The following PTPRN2 variants were observed in gnomAD, a reference collection of about 807,000 sequenced individuals.
The protein encoded by PTPRN2 is protein tyrosine phosphatase receptor type N2, also known as receptor-type tyrosine-protein phosphatase N2.
A neutral mutation model predicts 118.8 loss-of-function variants in PTPRN2; 74 were observed. The observed-to-expected ratio is 0.62, with a 90% confidence interval of 0.52 to 0.76. The LOEUF is 0.76. Among genes scored for constraint, PTPRN2 ranks in the 30% least tolerant of loss-of-function variants. PTPRN2 has a pLI of 0.00. For missense variants in PTPRN2, 1,481 were observed against 1,394.4 expected (o/e 1.06, Z -0.99); for synonymous variants, 641 against 608.0 (o/e 1.05, Z -0.80).
chr7:158,329,920 G>C (rs1323750249), intron 2 of PTPRN2, among the ~76,000 whole-genome samples: 2 of 152,092 alleles, frequency 1.3e-5, no homozygotes, highest in Non-Finnish European at 2.9e-5. Context: ...GACTGGCAGA[G>C]TGTCCTATTC....
At chr7:158,519,935 C>G (rs1823860812) in intron 1 of PTPRN2, among the ~76,000 whole-genome samples, 1 of 152,218 alleles carries the variant, frequency 6.6e-6, no homozygotes, top group Non-Finnish European at 1.5e-5. Flanking sequence ...AGCCTGAAAC[C>G]AAGCTTTCCT....
intron 1 of PTPRN2, among the ~76,000 whole-genome samples, chr7:158,543,106 A>G (rs1826083150): frequency 6.6e-6 from 1 of 152,268 alleles, no homozygotes; most frequent in South Asian, 2.1e-4. Context: ...TCATTTGAAG[A>G]AAAGGTCTTC....
chr7:158,549,174 C>T (rs1826483400), intron 1 of PTPRN2, among the ~76,000 whole-genome samples: 1 of 152,182 alleles, frequency 6.6e-6, no homozygotes. Context: ...TCAGCATTGT[C>T]TGCATAAATG....
chr7:158,024,463 C>T (rs1463673296), intron 11 of PTPRN2, among the ~76,000 whole-genome samples: 1 of 152,184 alleles, frequency 6.6e-6, no homozygotes, highest in East Asian at 1.9e-4. Context: ...GAAAAAAATG[C>T]CAAAATGATT....
At chr7:158,253,059 G>T (rs1796789438) in intron 3 of PTPRN2, among the ~76,000 whole-genome samples, 1 of 152,204 alleles carries the variant, frequency 6.6e-6, no homozygotes, top group Non-Finnish European at 1.5e-5. Flanking sequence ...TCGTTGTCCA[G>T]ACCAAACCCA....
At chr7:158,586,866 AG>A (rs1828960998) in intron 1 of PTPRN2, among the ~76,000 whole-genome samples, 1 of 152,132 alleles carries the variant, frequency 6.6e-6, no homozygotes, top group Non-Finnish European at 1.5e-5. Flanking sequence ...ACGCCGGACC[AG>A]GGCCGCGCGC....
chr7:158,526,147 G>C lies in PTPRN2; in HGVS notation c.113-36362C>G, dbSNP rs1009968235. Among the ~76,000 whole-genome samples the C allele has an allele frequency of 5.1e-4, 77 of 152,302 alleles. No individual in the cohort carries two copies. The highest frequency in any genetic ancestry group is 6.2e-4 in the South Asian group (3 of 4,826). On this transcript the variant is annotated intron_variant, in intron 1 of 22. Transcript: ENST00000389418. The surrounding 1 kb of genome is among the most constrained non-coding windows in gnomAD (Gnocchi z 5.2). The stretch of plus-strand genomic sequence containing the variant: ...ACAGCTTCTGAAAGGGCCCGCTCTG[G>C]GGGGAGCCACATCAGGCAGACACAC...
chr7:158,584,732 T>A (rs1167467665), intron 1 of PTPRN2, among the ~76,000 whole-genome samples: 1 of 152,152 alleles, frequency 6.6e-6, no homozygotes, highest in Admixed American at 6.5e-5. Context: ...TGGAAATAAG[T>A]CAGCATCGTG....
Position 158,171,308 on chromosome 7 carries a change from CATATATATATATATATATATATAT to C in PTPRN2, c.550-4041_550-4018del, listed in dbSNP as rs71198580. 4.5e-4 allele frequency among the ~76,000 whole-genome samples: 22 copies of C among 48,658 alleles called. 2 individuals are homozygous for C. Among genetic ancestry groups the C allele is most frequent in the East Asian group, 7.0e-4 (1 of 1,420 alleles). 31.9% of individuals were successfully genotyped at this position (48,658 alleles called of 152,430 possible). ...ATATATACACACATATATATACACA[CATATATATATATATATATATATAT>C]ATATATATATATATATACACACACA... On this transcript the variant is annotated intron_variant, in intron 5 of 22. Transcript: ENST00000389418.
intron 12 of PTPRN2, among the ~76,000 whole-genome samples, chr7:157,735,947 T>C (rs540525102): frequency 6.6e-6 from 1 of 152,338 alleles, no homozygotes; most frequent in East Asian, 1.9e-4. Flanking sequence ...AGGCCCTTTC[T>C]GAGCTGAAGG....
At position 158,471,505 on chromosome 7, in the gene PTPRN2, T is replaced by C. The variant is rs1193801796; in HGVS notation, c.163+18230A>G. Reference sequence around the variant, plus strand: ...GAGATCGAGACCAACCTGGCCAACATGGTGAAACCCTGTCTCTACTAAAAA... The same window carrying C: ...GAGATCGAGACCAACCTGGCCAACACGGTGAAACCCTGTCTCTACTAAAAA... On this transcript the variant is annotated intron_variant, in intron 2 of 22. Coordinates refer to ENST00000389418, the MANE Select transcript of PTPRN2 (RefSeq NM_002847.5). Among the ~76,000 whole-genome samples, 6 of 152,066 alleles carry C rather than the reference T, an allele frequency of 3.9e-5. No individual in the cohort carries two copies. The East Asian group carries it at 9.7e-4, about 24-fold the overall frequency.
At chr7:157,915,011 G>C (rs181911121) in intron 11 of PTPRN2, among the ~76,000 whole-genome samples, 169 of 151,602 alleles carry the variant, frequency 1.1e-3, no homozygotes, top group Non-Finnish European at 1.5e-3. Flanking sequence ...CAAAAATTGT[G>C]GTCTCTTTTA....
intron 12 of PTPRN2, among the ~76,000 whole-genome samples, chr7:157,722,355 AG>A (rs555644397): frequency 2.0e-5 from 3 of 152,140 alleles, no homozygotes; most frequent in African/African-American, 7.2e-5. Flanking sequence ...ATGGTCTCTC[AG>A]GGGGGGTCCT....
intron 12 of PTPRN2, among the ~76,000 whole-genome samples, chr7:157,810,075 C>T (rs1346268635): frequency 1.3e-5 from 2 of 152,232 alleles, no homozygotes; most frequent in African/African-American, 4.8e-5. Flanking sequence ...AGGGGAGCTT[C>T]CCCTGCTGGC....
At chr7:158,276,105 C>T (rs1000590229) in intron 3 of PTPRN2, among the ~76,000 whole-genome samples, 17 of 152,184 alleles carry the variant, frequency 1.1e-4, no homozygotes, top group Non-Finnish European at 2.2e-4. Context: ...TGCGTCTCCT[C>T]TCAGCTTCCT....
chr7:158,210,469 A>G (rs1337392687), intron 3 of PTPRN2, among the ~76,000 whole-genome samples: 1 of 152,224 alleles, frequency 6.6e-6, no homozygotes, highest in Non-Finnish European at 1.5e-5. Context: ...AAGAAATAAT[A>G]AAGATCAGAG....
At chr7:158,297,354 GC>G (rs1184117473) in intron 3 of PTPRN2, among the ~76,000 whole-genome samples, 1 of 152,210 alleles carries the variant, frequency 6.6e-6, no homozygotes, top group Non-Finnish European at 1.5e-5. Context: ...AAAGGGATCT[GC>G]CAGAAACCCT....
chr7:157,613,529 G>A (rs1802528079), intron 15 of PTPRN2, among the ~76,000 whole-genome samples: 1 of 152,198 alleles, frequency 6.6e-6, no homozygotes, highest in South Asian at 2.1e-4. Flanking sequence ...AGGGTCCGGG[G>A]CGCGTCCTCA....
intron 1 of PTPRN2, among the ~76,000 whole-genome samples, chr7:158,553,911 A>G (rs1826821463): frequency 1.3e-5 from 2 of 151,348 alleles, no homozygotes; most frequent in African/African-American, 4.9e-5. Context: ...TAGGCTTAGG[A>G]GTCTACACCA....
Sources: allele counts gnomAD v4.1 joint callset (sites outside exome capture counted in the v4.1 genomes callset), GRCh38; gene constraint gnomAD v4.1.1; non-coding constraint Gnocchi (gnomAD v3.1); transcripts MANE v1.5; gene names NCBI Gene and HGNC (gene_info 2026-07-23, HGNC 2026-07-21).